The following TANC2 variants were observed in gnomAD, a reference collection of about 807,000 sequenced individuals.
TANC2 encodes the protein protein TANC2.
Under a neutral mutation model 210.5 loss-of-function variants are expected in TANC2, and 26 were observed. That is an observed-to-expected ratio of 0.12 (90% CI 0.09 to 0.17). The LOEUF is 0.17. Ranked by LOEUF, TANC2 falls within the 10% of genes least tolerant of loss-of-function variation. The pLI is 1.00. For missense variants in TANC2, 2,129 were observed against 2,608.9 expected (o/e 0.82, Z 4.01); for synonymous variants, 931 against 967.1 (o/e 0.96, Z 0.69).
exon 26 of TANC2, chr17:63,415,609 A>G: frequency 2.5e-6 from 4 of 1,613,700 alleles, no homozygotes; most frequent in South Asian, 2.2e-5. Flanking sequence ...TGAGGACTTG[A>G]AAACTTTCCG....
At chr17:63,320,343 C>G (rs1022310090) in intron 11 of TANC2, 17 of 152,152 alleles carry the variant, frequency 1.1e-4, no homozygotes, top group Non-Finnish European at 2.9e-5. Context: ...AGCCCTCCAT[C>G]GAGCTCAGTC....
At chr17:63,332,614 G>T in intron 11 of TANC2, 1 of 214,564 alleles carries the variant, frequency 4.7e-6, no homozygotes, top group South Asian at 7.9e-5. Flanking sequence ...GTGACATACA[G>T]CTTGTCTTCC....
chr17:62,998,777 C>A (rs1301932871), intron 1 of TANC2, among the ~76,000 whole-genome samples: 1 of 152,134 alleles, frequency 6.6e-6, no homozygotes, highest in Non-Finnish European at 1.5e-5. Context: ...AAAGAAAGAC[C>A]ATTACTGGCC....
chr17:62,979,086 G>A (rs887168372), intron 1 of TANC2, among the ~76,000 whole-genome samples: 6 of 151,824 alleles, frequency 4.0e-5, no homozygotes, highest in Non-Finnish European at 5.9e-5. Flanking sequence ...GCATGTACAC[G>A]TTATACCACT....
exon 18 of TANC2, chr17:63,395,846 C>G: frequency 6.2e-7 from 1 of 1,611,948 alleles, no homozygotes; most frequent in South Asian, 1.1e-5. Flanking sequence ...TGGACGATGG[C>G]CGGCCAGCAG....
At chr17:63,066,188 G>A (rs966455699) in intron 2 of TANC2, among the ~76,000 whole-genome samples, 1 of 152,156 alleles carries the variant, frequency 6.6e-6, no homozygotes, top group African/African-American at 2.4e-5. Context: ...GGCAAAGGGT[G>A]GGTCTGAAGC....
intron 3 of TANC2, among the ~76,000 whole-genome samples, chr17:63,076,220 A>G (rs2036567274): frequency 6.6e-6 from 1 of 152,086 alleles, no homozygotes; most frequent in East Asian, 1.9e-4. Flanking sequence ...CAAAAGCAAA[A>G]TTTATCCTTA....
chr17:62,997,914 TA>T (rs1568305426), intron 1 of TANC2, among the ~76,000 whole-genome samples: 1 of 152,104 alleles, frequency 6.6e-6, no homozygotes, highest in African/African-American at 2.4e-5. Context: ...AGATATTTTT[TA>T]AAAAGCTGGC....
At chr17:63,051,234 G>A (rs1326137504) in intron 2 of TANC2, among the ~76,000 whole-genome samples, 2 of 152,046 alleles carry the variant, frequency 1.3e-5, no homozygotes, top group African/African-American at 2.4e-5. Context: ...TTCATATCCT[G>A]CTTCTTACCC....
intron 2 of TANC2, among the ~76,000 whole-genome samples, chr17:63,025,278 G>T (rs2034503068): frequency 6.6e-6 from 1 of 152,046 alleles, no homozygotes; most frequent in Non-Finnish European, 1.5e-5. Flanking sequence ...TACTGAAAAT[G>T]TTAGGGATTC....
At chr17:63,288,710 A>C (rs575354761) in intron 9 of TANC2, among the ~76,000 whole-genome samples, 1 of 152,056 alleles carries the variant, frequency 6.6e-6, no homozygotes, top group African/African-American at 2.4e-5. Flanking sequence ...CCTGTTCCTA[A>C]TTGTTATCTG....
chr17:63,279,339 C>T (rs2043991172), intron 9 of TANC2, among the ~76,000 whole-genome samples: 1 of 152,160 alleles, frequency 6.6e-6, no homozygotes, highest in Non-Finnish European at 1.5e-5. Context: ...ACTACATTAT[C>T]ATGACAGCCC....
rs565306580 is a variant in TANC2 at position 63,238,085 on chromosome 17, TTTGTTGTTG to T, written c.1033+21_1033+29del. 8 of 1,527,872 alleles carry T rather than the reference TTTGTTGTTG, an allele frequency of 5.2e-6. No homozygotes were observed. The highest frequency in any genetic ancestry group is 7.0e-6 in the Non-Finnish European group (8 of 1,137,196). The allele number at this position is 1,527,872 out of a possible 1,614,324, so 94.6% of individuals were successfully genotyped here. The stretch of plus-strand genomic sequence containing the variant: ...GGCCAAATTCAGTAGCAGGTAAGTT[TTTGTTGTTG>T]TTGTTGTTGTTGCTGTTGTTAAATA... On this transcript the variant is annotated intron_variant, in intron 8 of 27. Transcript: ENST00000689528.
At chr17:63,353,439 G>T (rs1241926365) in intron 13 of TANC2, among the ~76,000 whole-genome samples, 1 of 152,032 alleles carries the variant, frequency 6.6e-6, no homozygotes, top group Non-Finnish European at 1.5e-5. Context: ...TGTGGCGGGG[G>T]ACAAAATTAA....
chr17:63,015,114 A>T (rs1303344808), intron 2 of TANC2, among the ~76,000 whole-genome samples: 3 of 150,500 alleles, frequency 2.0e-5, no homozygotes, highest in East Asian at 3.9e-4. Flanking sequence ...TTTTGGGGTT[A>T]ATAAGGGAAG....
intron 4 of TANC2, among the ~76,000 whole-genome samples, chr17:63,128,192 G>A (rs1428629288): frequency 6.6e-6 from 1 of 152,076 alleles, no homozygotes; most frequent in Non-Finnish European, 1.5e-5. Flanking sequence ...GCTGTAACTG[G>A]ATGACTACTC....
chr17:62,991,941 AG>A (rs2032892647), intron 1 of TANC2, among the ~76,000 whole-genome samples: 1 of 152,132 alleles, frequency 6.6e-6, no homozygotes, highest in Non-Finnish European at 1.5e-5. Flanking sequence ...GTTTCATGCC[AG>A]GTTTGACCCT....
chr17:63,214,406 T>A lies in TANC2; in HGVS notation c.769+13449T>A, dbSNP rs575988301. ...TTGTTCAAATCGTTGTGAAGGCCACTTTGGCCAAACAACTGGCAGGTGACT... is the reference window on the plus strand; with the variant it reads ...TTGTTCAAATCGTTGTGAAGGCCACATTGGCCAAACAACTGGCAGGTGACT... On this transcript the variant is annotated intron_variant, in intron 7 of 27. Coordinates refer to ENST00000689528, the Ensembl canonical transcript of TANC2. Among the ~76,000 whole-genome samples the A allele has an allele frequency of 1.1e-4, 17 of 152,352 alleles. No individual in the cohort carries two copies. In the East Asian group the frequency reaches 3.1e-3, roughly 28 times the overall value.
At chr17:63,058,323 C>CTT (rs1336085403) in intron 2 of TANC2, among the ~76,000 whole-genome samples, 2 of 152,096 alleles carry the variant, frequency 1.3e-5, no homozygotes, top group African/African-American at 4.8e-5. Flanking sequence ...GATTATTAGA[C>CTT]TTTTGTCAGA....
Sources: gnomAD v4.1 joint callset for allele counts (sites outside exome capture counted in the v4.1 genomes callset) on GRCh38, gnomAD v4.1.1 for gene constraint, MANE v1.5 for transcripts, NCBI Gene and HGNC (gene_info 2026-07-23, HGNC 2026-07-21) for gene names.